MTR: variants seen among roughly 807,000 people sequenced by gnomAD.
MTR encodes the protein 5-methyltetrahydrofolate-homocysteine methyltransferase.
MTR carries 84 observed loss-of-function variants against 154.8 expected under a neutral mutation model. That is an observed-to-expected ratio of 0.54 (90% CI 0.45 to 0.65). MTR has a LOEUF of 0.65. Among genes scored for constraint, MTR ranks in the 30% least tolerant of loss-of-function variants. The pLI, the probability that MTR is intolerant of heterozygous loss-of-function variation, is 0.00. For missense variants in MTR, 1,275 were observed against 1,570.2 expected (o/e 0.81, Z 3.18); for synonymous variants, 554 against 553.9 (o/e 1.00, Z 0.00).
intron 10 of MTR, among the ~76,000 whole-genome samples, 199 bp from the exon 11 acceptor site, chr1:236,826,630 C>T (rs978460931): frequency 6.6e-6 from 1 of 152,198 alleles, no homozygotes; most frequent in Non-Finnish European, 1.5e-5. Context: ...AAGGATTTCA[C>T]AGCATCTGAA....
intron 19 of MTR, among the ~76,000 whole-genome samples, chr1:236,860,416 T>A (rs1335266204): frequency 6.6e-6 from 1 of 152,024 alleles, no homozygotes; most frequent in Non-Finnish European, 1.5e-5. Flanking sequence ...TTTTGTTTTT[T>A]TTTGGCTCTG....
chr1:236,886,244 G>A, intron 26 of MTR, 48 bp from the exon 27 acceptor site: 1 of 1,488,902 alleles, frequency 6.7e-7, no homozygotes, highest in Non-Finnish European at 9.3e-7. Context: ...CACAGTAGTT[G>A]TAGAAAAGCT....
chr1:236,889,602 C>CA (rs1416418454), intron 28 of MTR, among the ~76,000 whole-genome samples: 1 of 152,136 alleles, frequency 6.6e-6, no homozygotes, highest in Non-Finnish European at 1.5e-5. Context: ...AAATGGAAGA[C>CA]AATATAATCC....
chr1:236,893,423 G>A (rs1268433150), intron 29 of MTR, among the ~76,000 whole-genome samples: 4 of 152,192 alleles, frequency 2.6e-5, no homozygotes, highest in African/African-American at 4.8e-5. Context: ...CGCATGGGTT[G>A]TGGTACCAGC....
intron 22 of MTR, among the ~76,000 whole-genome samples, chr1:236,870,299 C>T (rs750734097): frequency 2.0e-5 from 3 of 152,204 alleles, no homozygotes; most frequent in African/African-American, 2.4e-5. Flanking sequence ...TGTTCTTGGT[C>T]GTTTTCTTAC....
At chr1:236,876,548 A>G (rs1275756076) in intron 24 of MTR, among the ~76,000 whole-genome samples, 1 of 152,242 alleles carries the variant, frequency 6.6e-6, no homozygotes, top group Non-Finnish European at 1.5e-5. Context: ...TTAAAGGAAC[A>G]TAATTAAAAT....
chr1:236,818,561 C>T lies in MTR; in HGVS notation c.764+2018C>T, dbSNP rs185686017. Reference sequence around the variant, plus strand: ...TAATTAAAAATTTTTAAAAATAATCCTTTCTATGACTTCAGCTACAGTCCA... The same window carrying T: ...TAATTAAAAATTTTTAAAAATAATCTTTTCTATGACTTCAGCTACAGTCCA... On this transcript the variant is annotated intron_variant, in intron 8 of 32. Coordinates refer to ENST00000366577, the MANE Select transcript of MTR (RefSeq NM_000254.3). 1.6e-3 allele frequency among the ~76,000 whole-genome samples: 238 copies of T among 152,314 alleles called. 1 individual carries two copies. The Middle Eastern group carries it at 0.017, about 11-fold the overall frequency.
intron 25 of MTR, among the ~76,000 whole-genome samples, chr1:236,883,378 C>T (rs113145466): frequency 1.9e-4 from 29 of 152,030 alleles, no homozygotes; most frequent in African/African-American, 5.6e-4. Context: ...CTGGGAGCAG[C>T]GGGCTTCATG....
At chr1:236,814,094 G>A (rs574327637) in intron 6 of MTR, among the ~76,000 whole-genome samples, 6 of 152,148 alleles carry the variant, frequency 3.9e-5, no homozygotes, top group South Asian at 2.1e-4. Flanking sequence ...CAAAAAAATC[G>A]TTTTCTAAAA....
chr1:236,806,046 G>T lies in MTR; in HGVS notation c.250-98G>T, dbSNP rs894884856. ...CCTTACTCTTAGTAAATGGTCAAAAGGTAGCTGCTGATAATGGTGGTAATG... is the reference window on the plus strand; with the variant it reads ...CCTTACTCTTAGTAAATGGTCAAAATGTAGCTGCTGATAATGGTGGTAATG... On this transcript the variant is annotated intron_variant, in intron 2 of 32. Transcript: ENST00000366577. 1.2e-5 allele frequency: 12 copies of T among 987,466 alleles called. No individual in the cohort carries two copies. The Admixed American group carries it at 2.2e-4, about 18-fold the overall frequency. The allele number at this position is 987,466 out of a possible 1,614,324, so 61.2% of individuals were successfully genotyped here.
intron 8 of MTR, among the ~76,000 whole-genome samples, chr1:236,818,595 G>T: frequency 6.6e-6 from 1 of 152,196 alleles, no homozygotes; most frequent in East Asian, 1.9e-4. Context: ...CATTCACAGA[G>T]AGAATGTATT....
At chr1:236,816,700 A>C (rs1661614542) in intron 8 of MTR, among the ~76,000 whole-genome samples, 157 bp downstream of exon 8, 1 of 152,100 alleles carries the variant, frequency 6.6e-6, no homozygotes, top group Admixed American at 6.6e-5. Context: ...CTTTTCCCTA[A>C]AGGTTTCAGA....
chr1:236,896,240 T>C (rs1346315170), intron 31 of MTR, among the ~76,000 whole-genome samples: 1 of 152,194 alleles, frequency 6.6e-6, no homozygotes, highest in Admixed American at 6.5e-5. Flanking sequence ...GCAGAGTTCA[T>C]GTAGTTGAGA....
At chr1:236,804,976 A>G (rs1660897953) in intron 2 of MTR, among the ~76,000 whole-genome samples, 2 of 151,896 alleles carry the variant, frequency 1.3e-5, no homozygotes, top group Admixed American at 6.6e-5. Flanking sequence ...AGATATACAC[A>G]GTTTTTTTGC....
chr1:236,866,345 G>A (rs935617640), intron 22 of MTR, among the ~76,000 whole-genome samples: 17 of 152,208 alleles, frequency 1.1e-4, no homozygotes, highest in African/African-American at 4.1e-4. Flanking sequence ...GGGGTACCAT[G>A]AACCACACCC....
At chr1:236,853,114 T>C (rs774361672) in intron 18 of MTR, 26 bp downstream of exon 18, 8 of 1,613,162 alleles carry the variant, frequency 5.0e-6, no homozygotes, top group Admixed American at 1.7e-5. Flanking sequence ...TTCTAATAGA[T>C]GGATTTTTCC....
At chr1:236,889,157 G>T in intron 27 of MTR, 24 bp from the exon 28 acceptor site, 1 of 1,613,928 alleles carries the variant, frequency 6.2e-7, no homozygotes, top group Non-Finnish European at 8.5e-7. Context: ...CGTCAGCATT[G>T]ACAACCATAC....
intron 8 of MTR, among the ~76,000 whole-genome samples, chr1:236,819,416 T>G (rs1290077799): frequency 6.6e-6 from 1 of 152,230 alleles, no homozygotes; most frequent in African/African-American, 2.4e-5. Context: ...ATTCATGTCT[T>G]TGTAGGCTCG....
intron 18 of MTR, among the ~76,000 whole-genome samples, chr1:236,854,926 T>C (rs996173105): frequency 6.6e-6 from 1 of 152,204 alleles, no homozygotes; most frequent in South Asian, 2.1e-4. Flanking sequence ...CAATTCATCA[T>C]AGAAGAATTT....
Sources: allele counts gnomAD v4.1 joint callset (sites outside exome capture counted in the v4.1 genomes callset), GRCh38; gene constraint gnomAD v4.1.1; transcripts MANE v1.5; gene names NCBI Gene and HGNC (gene_info 2026-07-23, HGNC 2026-07-21).